Variants in SLC39A8 observed in about 807,000 individuals in gnomAD.
The protein encoded by SLC39A8 is solute carrier family 39 member 8.
Under a neutral mutation model 40.4 loss-of-function variants are expected in SLC39A8, and 15 were observed. That is an observed-to-expected ratio of 0.37 (90% CI 0.25 to 0.57). The LOEUF is 0.57. Ranked by LOEUF, SLC39A8 falls within the 20% of genes least tolerant of loss-of-function variation. SLC39A8 has a pLI of 0.75. For missense variants in SLC39A8, 472 were observed against 558.8 expected (o/e 0.84, Z 1.57); for synonymous variants, 223 against 221.6 (o/e 1.01, Z -0.06).
chr4:102,288,781 A>G (rs567314397), intron 6 of SLC39A8, among the ~76,000 whole-genome samples: 38 of 152,250 alleles, frequency 2.5e-4, no homozygotes, highest in Admixed American at 1.6e-3. Flanking sequence ...TTTCAATTCT[A>G]TGAAGGCTGA....
chr4:102,307,045 T>C (rs992657624), intron 4 of SLC39A8, among the ~76,000 whole-genome samples: 4 of 152,108 alleles, frequency 2.6e-5, no homozygotes, highest in African/African-American at 7.2e-5. Context: ...AAATACATTA[T>C]AAATTTACAT....
downstream of SLC39A8, among the ~76,000 whole-genome samples, chr4:102,257,859 T>C (rs189615709): frequency 6.6e-6 from 1 of 152,324 alleles, no homozygotes; most frequent in Admixed American, 6.5e-5. Context: ...ACCCATCCTT[T>C]ACAGTGAGCA....
Position 102,301,385 on chromosome 4 carries a change from A to G in SLC39A8, c.840+2932T>C, listed in dbSNP as rs114458594. 2.4e-3 allele frequency among the ~76,000 whole-genome samples: 368 copies of G among 152,148 alleles called. 1 individual carries two copies. The highest frequency in any genetic ancestry group is 8.8e-3 in the African/African-American group (364 of 41,544). On this transcript the variant is annotated intron_variant, in intron 6 of 8. Coordinates refer to ENST00000356736, the MANE Select transcript of SLC39A8 (RefSeq NM_001135146.2). The stretch of plus-strand genomic sequence containing the variant: ...TCTCATTATACAATTCCCTACTGAC[A>G]CCTTGAGGGACCTTTTCTGAACAGT...
chr4:102,268,011 A>C lies in SLC39A8; in HGVS notation c.909T>G (p.Ile303Met). 6.2e-7 allele frequency: 1 copy of C among 1,614,232 alleles called. No homozygotes were observed. Among genetic ancestry groups the C allele is most frequent in the Non-Finnish European group, 8.5e-7 (1 of 1,180,044 alleles). Residue 303 changes from isoleucine to methionine, a missense_variant, in exon 7 of 9, where the codon ATT (isoleucine) becomes ATG (methionine). Ile to Met is a conservative substitution (Grantham distance 10, BLOSUM62 1). This residue lies in a region of SLC39A8 where 239 missense variants were observed against 317.9 expected (regional missense o/e 0.75). Coordinates refer to ENST00000356736, the MANE Select transcript of SLC39A8 (RefSeq NM_001135146.2). ...KGPKLSEIGT[I>M]AWMITLCDAL... ...CATCGCAGAGCGTTATCATCCAGGC[A>C]ATCGTCCCTATTTCTGACAGTTTGG...
chr4:102,337,525 C>T (rs1216314992), intron 2 of SLC39A8, among the ~76,000 whole-genome samples: 2 of 152,308 alleles, frequency 1.3e-5, no homozygotes, highest in Middle Eastern at 3.4e-3. Context: ...CCTAGCAGCA[C>T]TGTCTTACCT....
At chr4:102,342,950 T>C (rs1578636226) in intron 2 of SLC39A8, among the ~76,000 whole-genome samples, 1 of 152,166 alleles carries the variant, frequency 6.6e-6, no homozygotes, top group Non-Finnish European at 1.5e-5. Context: ...CACGTGACCA[T>C]ACCTACCTGG....
intron 7 of SLC39A8, 45 bp from the exon 8 acceptor site, chr4:102,267,719 A>C (rs1221059353): frequency 6.6e-7 from 1 of 1,519,040 alleles, no homozygotes; most frequent in Non-Finnish European, 8.9e-7. Context: ...TTTTTTTTTT[A>C]TTTCTGGATG....
At chr4:102,266,823 G>C (rs1178469500) in intron 8 of SLC39A8, among the ~76,000 whole-genome samples, 2 of 151,972 alleles carry the variant, frequency 1.3e-5, no homozygotes, top group African/African-American at 4.8e-5. Context: ...GGCCAGGATG[G>C]TCTAGATCTC....
chr4:102,345,416 ATCTC>A lies in SLC39A8; in HGVS notation c.-329_-326del, dbSNP rs1172408050. 4 of 151,988 alleles carry A rather than the reference ATCTC, an allele frequency of 2.6e-5. No individual in the cohort carries two copies. In the South Asian group the frequency reaches 6.3e-4, roughly 24 times the overall value. 9.4% of individuals were successfully genotyped at this position (151,988 alleles called of 1,614,324 possible). Reference sequence around the variant, plus strand: ...TGTCAACGTAAGACTCGGTCTCTGGATCTCTCTCTCTTTCTGTCTCCCGCCCCCA... The same window carrying A: ...TGTCAACGTAAGACTCGGTCTCTGGATCTCTCTTTCTGTCTCCCGCCCCCA... On this transcript the variant is annotated 5_prime_UTR_variant, in exon 1 of 9. Transcript: ENST00000356736.
At chr4:102,329,460 T>TA in intron 2 of SLC39A8, among the ~76,000 whole-genome samples, 1 of 150,960 alleles carries the variant, frequency 6.6e-6, no homozygotes, top group Non-Finnish European at 1.5e-5. Context: ...CTGTCTCTAC[T>TA]AAAAATACAA....
chr4:102,298,893 C>T (rs780423246), intron 6 of SLC39A8, among the ~76,000 whole-genome samples: 4 of 151,882 alleles, frequency 2.6e-5, no homozygotes, highest in South Asian at 2.1e-4. Flanking sequence ...GGGCAAAGAC[C>T]GGAACTAAAC....
At chr4:102,314,901 T>G (rs898539585) in intron 3 of SLC39A8, among the ~76,000 whole-genome samples, 2 of 152,174 alleles carry the variant, frequency 1.3e-5, no homozygotes, top group African/African-American at 4.8e-5. Flanking sequence ...TCTTCTTGTT[T>G]ACCATTGACT....
intron 6 of SLC39A8, among the ~76,000 whole-genome samples, chr4:102,299,270 C>G (rs938682593): frequency 6.0e-5 from 9 of 150,782 alleles, no homozygotes; most frequent in Non-Finnish European, 1.3e-4. Context: ...ACACACAGAA[C>G]TTCCAGTCAG....
intron 3 of SLC39A8, among the ~76,000 whole-genome samples, chr4:102,310,479 T>C (rs1734385019): frequency 6.6e-6 from 1 of 152,158 alleles, no homozygotes; most frequent in African/African-American, 2.4e-5. Context: ...AATGAATTGA[T>C]AAATTCCCCA....
intron 6 of SLC39A8, among the ~76,000 whole-genome samples, chr4:102,293,718 T>C (rs1473706420): frequency 6.6e-6 from 1 of 151,916 alleles, no homozygotes; most frequent in Non-Finnish European, 1.5e-5. Flanking sequence ...TTAAATATCA[T>C]AAAAATGTAA....
intron 6 of SLC39A8, among the ~76,000 whole-genome samples, chr4:102,298,229 G>T (rs1578587602): frequency 6.6e-6 from 1 of 152,090 alleles, no homozygotes; most frequent in East Asian, 1.9e-4. Flanking sequence ...TCATATCAGT[G>T]AAAGTAGGCT....
At chr4:102,334,786 A>G (rs954936635) in intron 2 of SLC39A8, among the ~76,000 whole-genome samples, 7 of 152,308 alleles carry the variant, frequency 4.6e-5, no homozygotes, top group South Asian at 2.1e-4. Flanking sequence ...GTCACCCTGG[A>G]ATGGAATATG....
chr4:102,253,434 A>G (rs1181311454), intron 11 of SLC39A8: 2 of 716,112 alleles, frequency 2.8e-6, no homozygotes, highest in Non-Finnish European at 5.2e-6. Context: ...ACCTTGCCTG[A>G]CAGACAAAGA....
intron 4 of SLC39A8, 50 bp from the exon 5 acceptor site, chr4:102,305,161 A>G (rs1734115445): frequency 6.4e-7 from 1 of 1,572,818 alleles, no homozygotes; most frequent in Non-Finnish European, 8.6e-7. Context: ...ATTTAACTTG[A>G]TTTCTGGAAA....
Sources: gnomAD v4.1 joint callset for allele counts (sites outside exome capture counted in the v4.1 genomes callset) on GRCh38, gnomAD v4.1.1 for gene constraint, gnomAD v4.1.1 regional missense constraint, MANE v1.5 for transcripts, NCBI Gene and HGNC (gene_info 2026-07-23, HGNC 2026-07-21) for gene names.